SF3B1: variants seen among roughly 807,000 people sequenced by gnomAD.
SF3B1 encodes the protein splicing factor 3b subunit 1, also known as pre-mRNA processing 10.
SF3B1 carries 12 observed loss-of-function variants against 153.8 expected under a neutral mutation model. That is an observed-to-expected ratio of 0.08 (90% CI 0.05 to 0.13). The LOEUF (loss-of-function observed/expected upper bound fraction) is 0.13, where lower values mean the gene tolerates loss of function less well. Among genes scored for constraint, SF3B1 ranks in the 10% least tolerant of loss-of-function variants. The pLI is 1.00. For synonymous variants in SF3B1, 498 were observed against 525.2 expected (o/e 0.95, Z 0.71); for missense variants, 513 against 1,606.1 (o/e 0.32, Z 11.63).
At chr2:197,425,912 C>A (rs1235295890) in intron 1 of SF3B1, among the ~76,000 whole-genome samples, 2 of 151,588 alleles carry the variant, frequency 1.3e-5, no homozygotes, top group African/African-American at 4.8e-5. Context: ...GGTGGGAGGA[C>A]TGTTTGAGCC....
chr2:197,434,910 G>GA, intron 1 of SF3B1, 62 bp downstream of exon 1: 5 of 1,553,490 alleles, frequency 3.2e-6, no homozygotes, highest in African/African-American at 1.4e-5. Flanking sequence ...AGAATCCTAG[G>GA]AAAAAAGGCT....
At chr2:197,420,979 A>G (rs1230077904) in intron 3 of SF3B1, 50 bp downstream of exon 3, 2 of 1,145,372 alleles carry the variant, frequency 1.7e-6, no homozygotes, top group African/African-American at 3.1e-5. Flanking sequence ...GAACTCAGAC[A>G]TTCACTTTTC....
In SF3B1 at chr2:197,401,670, T is replaced by C; in HGVS notation, c.2370+72A>G. On this transcript the variant is annotated intron_variant, in intron 16 of 24. Coordinates refer to ENST00000335508, the MANE Select transcript of SF3B1 (RefSeq NM_012433.4). The surrounding 1 kb of genome is among the most constrained non-coding windows in gnomAD (Gnocchi z 4.2). ...ACATACAGTTTTTTTTGTTGATTTTTAAAAACACTTTAAAATTCTGTTAGA... is the reference window on the plus strand; with the variant it reads ...ACATACAGTTTTTTTTGTTGATTTTCAAAAACACTTTAAAATTCTGTTAGA... 2 of 1,527,582 alleles carry C rather than the reference T, an allele frequency of 1.3e-6. No homozygotes were observed. The highest frequency in any genetic ancestry group is 2.4e-5 in the South Asian group (2 of 82,458). 94.6% of individuals were successfully genotyped at this position (1,527,582 alleles called of 1,614,324 possible). A position where few individuals can be genotyped will look rare whatever the true frequency, so the allele number is the denominator to read the frequency against.
At position 197,418,630 on chromosome 2, in the gene SF3B1, A is replaced by G. The variant is rs750166146; in HGVS notation, c.416-42T>C. 68 of 1,591,120 alleles carry G rather than the reference A, an allele frequency of 4.3e-5. No homozygotes were observed. The South Asian group carries it at 7.0e-4, about 16-fold the overall frequency. ...CAACAGGAAAAAGAGTACAATAAAT[A>G]AAAAATAAGCAGGTTCAACTGATTT... On this transcript the variant is annotated intron_variant, in intron 4 of 24. Coordinates refer to ENST00000335508, the MANE Select transcript of SF3B1 (RefSeq NM_012433.4).
chr2:197,404,467 C>G (rs192954400), intron 11 of SF3B1, among the ~76,000 whole-genome samples: 1 of 152,216 alleles, frequency 6.6e-6, no homozygotes, highest in Admixed American at 6.5e-5. Context: ...GTAGTCCCAG[C>G]TACTTGGAAG....
chr2:197,397,642 C>A (rs565867765), intron 22 of SF3B1, among the ~76,000 whole-genome samples: 261 of 152,156 alleles, frequency 1.7e-3, no homozygotes, highest in African/African-American at 6.1e-3. Context: ...CTAAAAAATA[C>A]AAAAATTACC....
In SF3B1 at chr2:197,408,546, G is replaced by T; in HGVS notation, c.940C>A (p.Pro314Thr). The T allele has an allele frequency of 1.2e-6, 2 of 1,612,716 alleles. No individual in the cohort carries two copies. The highest frequency in any genetic ancestry group is 1.7e-6 in the Non-Finnish European group (2 of 1,179,912). Residue 314 changes from proline to threonine, a missense_variant, in exon 8 of 25, where the codon CCT becomes ACT. By Grantham distance (38) the Pro-to-Thr change is conservative. Transcript: ENST00000335508. ...GAATCTCCACCTCGATCTGTTCGAGGAGTCTCAGCCCATCCACTTCCATGC... is the reference window on the plus strand; with the variant it reads ...GAATCTCCACCTCGATCTGTTCGAGTAGTCTCAGCCCATCCACTTCCATGC... ...PGHGSGWAET[P>T]RTDRGGDSIG...
Position 197,402,533 on chromosome 2 carries a change from G to T in SF3B1, c.2077+23C>A, listed in dbSNP as rs766637341. 1 of 1,534,454 alleles carries T rather than the reference G, an allele frequency of 6.5e-7. No individual in the cohort carries two copies. The highest frequency in any genetic ancestry group is 1.2e-5 in the South Asian group (1 of 82,310). On this transcript the variant is annotated intron_variant, in intron 14 of 24. Coordinates refer to ENST00000335508, the MANE Select transcript of SF3B1 (RefSeq NM_012433.4). The surrounding 1 kb of genome is among the most constrained non-coding windows in gnomAD (Gnocchi z 4.6). ...TGTCTCCTAAAGAAAAAAAAAAAAA[G>T]ACAAAGTTACATTACAACTTACCAT...
chr2:197,419,064 G>A, intron 4 of SF3B1: 1 of 799,482 alleles, frequency 1.3e-6, no homozygotes. Flanking sequence ...GACTAGATAA[G>A]TTCTTCATAC....
chr2:197,398,364 A>G, intron 21 of SF3B1, 97 bp downstream of exon 21: 2 of 1,271,970 alleles, frequency 1.6e-6, no homozygotes, highest in South Asian at 1.2e-5. Context: ...TTTTACACTT[A>G]TATTAGTGAC....
intron 5 of SF3B1, among the ~76,000 whole-genome samples, chr2:197,417,411 T>C (rs981585308): frequency 2.0e-5 from 3 of 152,018 alleles, no homozygotes; most frequent in African/African-American, 7.2e-5. Flanking sequence ...ATTTAACTCA[T>C]TCAACATATA....
At chr2:197,393,352 A>T (rs2084835825) in intron 23 of SF3B1, 164 bp from the exon 24 acceptor site, 1 of 616,942 alleles carries the variant, frequency 1.6e-6, no homozygotes. Flanking sequence ...CTAACATTTC[A>T]TATATCTAAT....
At position 197,400,261 on chromosome 2, in the gene SF3B1, A is replaced by T. The variant is rs2084924715; in HGVS notation, c.2892T>A (p.Thr964=). 1 of 1,613,738 alleles carries T rather than the reference A, an allele frequency of 6.2e-7. No individual in the cohort carries two copies. The highest frequency in any genetic ancestry group is 1.3e-5 in the African/African-American group (1 of 74,908). ...TGATGCAAAAGTTTACCTCTTGACA[A>T]GTCTTCATGACAACAGCAGTTCGAG... The part of the protein sequence containing the change: ...LISRTAVVMK[T]CQEEKLMGHL... The change falls in exon 19 of 25, where the codon ACT becomes ACA. Residue 964 remains threonine (T), a synonymous_variant. Coordinates refer to ENST00000335508, the MANE Select transcript of SF3B1 (RefSeq NM_012433.4). The surrounding 1 kb of genome is among the most constrained non-coding windows in gnomAD (Gnocchi z 5.0).
chr2:197,421,603 T>C (rs2085243551), intron 2 of SF3B1, among the ~76,000 whole-genome samples: 3 of 152,206 alleles, frequency 2.0e-5, no homozygotes, highest in African/African-American at 7.2e-5. Flanking sequence ...TACTGTTACT[T>C]TTCTAGTATA....
chr2:197,432,250 A>T (rs1013899474), intron 1 of SF3B1, among the ~76,000 whole-genome samples: 7 of 152,226 alleles, frequency 4.6e-5, no homozygotes, highest in African/African-American at 1.7e-4. Context: ...TGTCCCAAAA[A>T]ATCTAATTCA....
rs1438447076 is a variant in SF3B1 at position 197,402,540 on chromosome 2, T to G, written c.2077+16A>C. 3.8e-6 allele frequency: 6 copies of G among 1,585,816 alleles called. No individual in the cohort carries two copies. Among genetic ancestry groups the G allele is most frequent in the Admixed American group, 3.6e-5 (2 of 55,008 alleles). ...TAAAGAAAAAAAAAAAAAGACAAAGTTACATTACAACTTACCATGTTCAAT... is the reference window on the plus strand; with the variant it reads ...TAAAGAAAAAAAAAAAAAGACAAAGGTACATTACAACTTACCATGTTCAAT... On this transcript the variant is annotated intron_variant, in intron 14 of 24. Transcript: ENST00000335508. The surrounding 1 kb of genome is among the most constrained non-coding windows in gnomAD (Gnocchi z 4.6).
intron 24 of SF3B1, among the ~76,000 whole-genome samples, chr2:197,392,707 TCAATA>T (rs1288679150): frequency 6.6e-6 from 1 of 151,822 alleles, no homozygotes; most frequent in Admixed American, 6.6e-5. Context: ...GTAACTTAAT[TCAATA>T]CACTACTTTT....
At chr2:197,415,404 C>T (rs998068286) in intron 6 of SF3B1, among the ~76,000 whole-genome samples, 1 of 151,956 alleles carries the variant, frequency 6.6e-6, no homozygotes, top group African/African-American at 2.4e-5. Context: ...AGGCACACGC[C>T]ACCATGCCCA....
chr2:197,409,886 G>A lies in SF3B1; in HGVS notation c.788C>T (p.Ala263Val), dbSNP rs139577219. The change falls in exon 7 of 25, where the codon GCG becomes GTG. Residue 263 changes from alanine (A) to valine (V), a missense_variant. By Grantham distance (64) the Ala-to-Val change is moderately conservative (BLOSUM62 0). Coordinates refer to ENST00000335508, the MANE Select transcript of SF3B1 (RefSeq NM_012433.4). The stretch of plus-strand genomic sequence containing the variant: ...ACCTCGTCCAGGAGTAGCAGCTCCC[G>A]CTGGTGTGTGGCTAGGTGTAGGATC... ...IWDPTPSHTP[A>V]GAATPGRGDT... 260 of 1,613,992 alleles carry A rather than the reference G, an allele frequency of 1.6e-4. 1 individual carries two copies. Among genetic ancestry groups the A allele is most frequent in the Non-Finnish European group, 2.0e-4 (238 of 1,180,010 alleles).
Sources: gnomAD v4.1 joint callset for allele counts (sites outside exome capture counted in the v4.1 genomes callset) on GRCh38, gnomAD v4.1.1 for gene constraint, Gnocchi (gnomAD v3.1) non-coding constraint, MANE v1.5 for transcripts, NCBI Gene and HGNC (gene_info 2026-07-23, HGNC 2026-07-21) for gene names.